ST6GALNAC3: variants seen among roughly 807,000 people sequenced by gnomAD.
ST6GALNAC3 encodes the protein ST6 N-acetylgalactosaminide alpha-2,6-sialyltransferase 3.
In ST6GALNAC3, 25 loss-of-function variants were observed where a neutral mutation model predicts 32.7. The ratio of observed to expected loss-of-function variants is 0.76; its 90% confidence interval spans 0.56 to 1.07. The LOEUF is 1.07. Ranked by LOEUF, ST6GALNAC3 falls within the 50% of genes least tolerant of loss-of-function variation. The probability of loss-of-function intolerance (pLI) is 0.00; values close to 1 mark genes in which losing one functional copy is unlikely to be tolerated. For missense variants in ST6GALNAC3, 355 were observed against 382.4 expected (o/e 0.93, Z 0.60); for synonymous variants, 129 against 133.1 (o/e 0.97, Z 0.21).
intron 3 of ST6GALNAC3, among the ~76,000 whole-genome samples, chr1:76,530,976 G>C (rs924788955): frequency 2.0e-5 from 3 of 152,100 alleles, no homozygotes; most frequent in African/African-American, 7.2e-5. Context: ...TTCATGCACT[G>C]GTTCATCACA....
At chr1:76,262,399 C>T (rs1658291240) in intron 1 of ST6GALNAC3, among the ~76,000 whole-genome samples, 1 of 152,132 alleles carries the variant, frequency 6.6e-6, no homozygotes, top group Admixed American at 6.5e-5. Flanking sequence ...AAGTTGTATG[C>T]ATACAGAAAC....
Position 76,629,232 on chromosome 1 carries a change from A to G in ST6GALNAC3, c.*426A>G, listed in dbSNP as rs1649170009. The stretch of plus-strand genomic sequence containing the variant: ...CTTGTTGAATCTCAGCAGTTCCGCC[A>G]TCTTGAAGAATGATTGATTGTCAAA... On this transcript the variant is annotated 3_prime_UTR_variant, in exon 5 of 5. Coordinates refer to ENST00000328299, the MANE Select transcript of ST6GALNAC3 (RefSeq NM_152996.4). The G allele has an allele frequency of 1.0e-6, 1 of 997,484 alleles. No homozygotes were observed. The highest frequency in any genetic ancestry group is 1.2e-6 in the Non-Finnish European group (1 of 838,790). 61.8% of individuals were successfully genotyped at this position (997,484 alleles called of 1,614,324 possible).
intron 1 of ST6GALNAC3, among the ~76,000 whole-genome samples, chr1:76,308,696 G>A (rs982915069): frequency 1.3e-5 from 2 of 152,104 alleles, no homozygotes; most frequent in African/African-American, 2.4e-5. Flanking sequence ...CTTGAAACAC[G>A]GCATTGTGGT....
rs183424271 is a variant in ST6GALNAC3 at position 76,278,449 on chromosome 1, C to G, written c.19-35356C>G. ...TGTTAGACAGGATGGTCTCAATCTC[C>G]TGACCTGGTGATCCGCCCATCTCGG... On this transcript the variant is annotated intron_variant, in intron 1 of 4. Coordinates refer to ENST00000328299, the MANE Select transcript of ST6GALNAC3 (RefSeq NM_152996.4). Among the ~76,000 whole-genome samples, 5 of 151,786 alleles carry G rather than the reference C, an allele frequency of 3.3e-5. No homozygotes were observed. In the East Asian group the frequency reaches 5.9e-4, roughly 18 times the overall value.
chr1:76,177,176 A>G (rs1465682066), intron 1 of ST6GALNAC3, among the ~76,000 whole-genome samples: 8 of 152,220 alleles, frequency 5.3e-5, no homozygotes, highest in Admixed American at 5.2e-4. Context: ...TGGAAACAAA[A>G]GTCTTTTAAG....
At chr1:76,592,630 C>T (rs1052479987) in intron 3 of ST6GALNAC3, among the ~76,000 whole-genome samples, 2 of 152,114 alleles carry the variant, frequency 1.3e-5, no homozygotes, top group Non-Finnish European at 2.9e-5. Flanking sequence ...CTATCACCGC[C>T]CACTCCTCTT....
chr1:76,318,508 C>T (rs939351297), intron 2 of ST6GALNAC3, among the ~76,000 whole-genome samples: 1 of 152,090 alleles, frequency 6.6e-6, no homozygotes, highest in East Asian at 1.9e-4. Context: ...CTGATAGCAA[C>T]CATGATTTCA....
At chr1:76,294,062 A>G (rs1660250937) in intron 1 of ST6GALNAC3, among the ~76,000 whole-genome samples, 1 of 152,146 alleles carries the variant, frequency 6.6e-6, no homozygotes, top group East Asian at 1.9e-4. Context: ...GGGACTATAC[A>G]TTTGTTCAAT....
chr1:76,585,121 ACG>A (rs1436064956), intron 3 of ST6GALNAC3, among the ~76,000 whole-genome samples: 2 of 152,168 alleles, frequency 1.3e-5, no homozygotes. Flanking sequence ...GCAGTGGCTC[ACG>A]CCTGTATTCC....
At chr1:76,590,409 T>C (rs958241454) in intron 3 of ST6GALNAC3, among the ~76,000 whole-genome samples, 4 of 152,174 alleles carry the variant, frequency 2.6e-5, no homozygotes, top group African/African-American at 9.7e-5. Context: ...TTTAAAAATA[T>C]TTCAAACACA....
rs558420318 is a variant in ST6GALNAC3, at chr1:76,549,660, A to T, written c.624-77792A>T. Among the ~76,000 whole-genome samples, 262 of 150,980 alleles carry T rather than the reference A, an allele frequency of 1.7e-3. 1 individual carries two copies. Among genetic ancestry groups the T allele is most frequent in the African/African-American group, 6.1e-3 (251 of 41,226 alleles). On this transcript the variant is annotated intron_variant, in intron 3 of 4. Coordinates refer to ENST00000328299, the MANE Select transcript of ST6GALNAC3 (RefSeq NM_152996.4). ...ACATACAATTAACATTCTTTTACATATTTTTTTTTGTCACACATGTGAGGG... is the reference window on the plus strand; with the variant it reads ...ACATACAATTAACATTCTTTTACATTTTTTTTTTTGTCACACATGTGAGGG...
At chr1:76,335,890 G>T (rs1261985131) in intron 2 of ST6GALNAC3, among the ~76,000 whole-genome samples, 1 of 152,122 alleles carries the variant, frequency 6.6e-6, no homozygotes, top group African/African-American at 2.4e-5. Flanking sequence ...TAATTTTATT[G>T]ATCCAAAAGG....
chr1:76,579,700 T>G (rs1304396763), intron 3 of ST6GALNAC3, among the ~76,000 whole-genome samples: 1 of 152,048 alleles, frequency 6.6e-6, no homozygotes, highest in Non-Finnish European at 1.5e-5. Flanking sequence ...CACAGTCTAG[T>G]TTTTGCTGAT....
chr1:76,585,238 C>T (rs1646944222), intron 3 of ST6GALNAC3, among the ~76,000 whole-genome samples: 2 of 151,766 alleles, frequency 1.3e-5, no homozygotes, highest in South Asian at 4.2e-4. Flanking sequence ...AACAAAAAAT[C>T]AGCCGGGCAT....
intron 1 of ST6GALNAC3, among the ~76,000 whole-genome samples, chr1:76,179,026 T>C (rs1250925339): frequency 1.3e-5 from 2 of 152,148 alleles, no homozygotes; most frequent in African/African-American, 2.4e-5. Flanking sequence ...CTCGGCTCAG[T>C]GGGCTCCTGA....
chr1:76,378,778 T>C (rs773938264), intron 2 of ST6GALNAC3, among the ~76,000 whole-genome samples: 3 of 152,172 alleles, frequency 2.0e-5, no homozygotes, highest in African/African-American at 4.8e-5. Flanking sequence ...ATTGTAACCA[T>C]GTAGAGAGCA....
chr1:76,248,392 A>C (rs1657429017), intron 1 of ST6GALNAC3, among the ~76,000 whole-genome samples: 1 of 152,208 alleles, frequency 6.6e-6, no homozygotes, highest in African/African-American at 2.4e-5. Flanking sequence ...TGCAGTTACA[A>C]GAGGTAACTT....
chr1:76,239,972 G>A (rs1656875354), intron 1 of ST6GALNAC3, among the ~76,000 whole-genome samples: 1 of 152,064 alleles, frequency 6.6e-6, no homozygotes, highest in Non-Finnish European at 1.5e-5. Flanking sequence ...AGCCTCTTTT[G>A]CATTTCTGCC....
At chr1:76,602,070 G>A (rs1416209294) in intron 3 of ST6GALNAC3, among the ~76,000 whole-genome samples, 1 of 152,118 alleles carries the variant, frequency 6.6e-6, no homozygotes, top group Non-Finnish European at 1.5e-5. Flanking sequence ...TAAGGGATGA[G>A]ATCACCATGT....
Sources: allele counts gnomAD v4.1 joint callset (sites outside exome capture counted in the v4.1 genomes callset), GRCh38; gene constraint gnomAD v4.1.1; transcripts MANE v1.5; gene names NCBI Gene and HGNC (gene_info 2026-07-23, HGNC 2026-07-21).